Variants in CLSTN2 observed in about 807,000 individuals in gnomAD.
CLSTN2 encodes calsyntenin-2.
A neutral mutation model predicts 101.2 loss-of-function variants in CLSTN2; 48 were observed. That is an observed-to-expected ratio of 0.47 (90% CI 0.38 to 0.60). CLSTN2 has a LOEUF of 0.60. Among genes scored for constraint, CLSTN2 ranks in the 20% least tolerant of loss-of-function variants. CLSTN2 has a pLI of 0.00. For synonymous variants in CLSTN2, 481 were observed against 463.6 expected (o/e 1.04, Z -0.48); for missense variants, 1,160 against 1,238.2 (o/e 0.94, Z 0.95).
At chr3:140,392,327 A>AT (rs562425426) in intron 2 of CLSTN2, among the ~76,000 whole-genome samples, 158 of 151,900 alleles carry the variant, frequency 1.0e-3, no homozygotes, top group African/African-American at 3.6e-3. Context: ...TTAATGAGAA[A>AT]TTTTCTATTC....
chr3:140,467,631 C>A (rs1260866037), intron 8 of CLSTN2, among the ~76,000 whole-genome samples: 1 of 152,132 alleles, frequency 6.6e-6, no homozygotes, highest in Non-Finnish European at 1.5e-5. Flanking sequence ...CTGGGCTAAG[C>A]ACTTCTGGGA....
At chr3:140,085,135 T>C (rs2107783004) in intron 1 of CLSTN2, among the ~76,000 whole-genome samples, 1 of 152,338 alleles carries the variant, frequency 6.6e-6, no homozygotes, top group East Asian at 1.9e-4. Flanking sequence ...GTTGATTTTG[T>C]TTGCACATGT....
chr3:139,989,528 C>G lies in CLSTN2; in HGVS notation c.109+54045C>G, dbSNP rs544200773. On this transcript the variant is annotated intron_variant, in intron 1 of 16. Transcript: ENST00000458420. ...CCATCCTTCTGGGTGTTGCAGGGCC[C>G]TTTGCTCTGTCTGCCCTCACTCCCC... Among the ~76,000 whole-genome samples, 376 of 152,324 alleles carry G rather than the reference C, an allele frequency of 2.5e-3. 5 individuals are homozygous for G. The highest frequency in any genetic ancestry group is 7.9e-3 in the African/African-American group (329 of 41,572).
At chr3:140,278,296 C>T (rs1348497533) in intron 2 of CLSTN2, among the ~76,000 whole-genome samples, 14 of 152,128 alleles carry the variant, frequency 9.2e-5, no homozygotes, top group Non-Finnish European at 1.5e-4. Context: ...CACACAGGGC[C>T]CCGCCTCTTT....
At chr3:140,455,925 G>C (rs1295604299) in intron 6 of CLSTN2, among the ~76,000 whole-genome samples, 1 of 152,166 alleles carries the variant, frequency 6.6e-6, no homozygotes, top group Non-Finnish European at 1.5e-5. Context: ...GTGGCCTGCC[G>C]CTCCCCCTCA....
At chr3:140,493,898 C>T (rs988041698) in intron 8 of CLSTN2, among the ~76,000 whole-genome samples, 2 of 152,108 alleles carry the variant, frequency 1.3e-5, no homozygotes, top group Non-Finnish European at 2.9e-5. Flanking sequence ...TTTTAGACCA[C>T]GTTGAAGGGT....
chr3:140,360,158 C>T (rs1395826678), intron 2 of CLSTN2, among the ~76,000 whole-genome samples: 1 of 152,068 alleles, frequency 6.6e-6, no homozygotes, highest in Non-Finnish European at 1.5e-5. Context: ...AACTCATCTC[C>T]CCCTGTAATC....
At chr3:140,537,287 T>C (rs949064114) in intron 9 of CLSTN2, among the ~76,000 whole-genome samples, 17 of 152,294 alleles carry the variant, frequency 1.1e-4, no homozygotes, top group African/African-American at 3.6e-4. Flanking sequence ...GGCTGGTCAG[T>C]GTTCTGCAGC....
chr3:140,188,939 T>C (rs2010522035), intron 2 of CLSTN2, among the ~76,000 whole-genome samples: 1 of 152,166 alleles, frequency 6.6e-6, no homozygotes, highest in Admixed American at 6.6e-5. Flanking sequence ...TCCCACCTAC[T>C]CTCCTTAACC....
intron 1 of CLSTN2, among the ~76,000 whole-genome samples, chr3:139,957,857 G>A (rs2107813174): frequency 6.6e-6 from 1 of 152,184 alleles, no homozygotes; most frequent in South Asian, 2.1e-4. Context: ...TTGAGCTGGA[G>A]GGGCTGGGCT....
At chr3:140,176,123 C>T in intron 2 of CLSTN2, 50 bp downstream of exon 2, 1 of 1,603,056 alleles carries the variant, frequency 6.2e-7, no homozygotes, top group Non-Finnish European at 8.5e-7. Context: ...TGAAGATGTG[C>T]TGTGAAACCT....
At chr3:140,271,146 G>T (rs62267972) in intron 2 of CLSTN2, among the ~76,000 whole-genome samples, 3,268 of 152,192 alleles carry the variant, frequency 0.021, 49 homozygotes, top group African/African-American at 0.038. Flanking sequence ...CAGTCAAATG[G>T]ATTTAGAGCA....
intron 2 of CLSTN2, among the ~76,000 whole-genome samples, chr3:140,205,724 A>G (rs1433741891): frequency 6.6e-6 from 1 of 151,206 alleles, no homozygotes; most frequent in South Asian, 2.1e-4. Context: ...CCACCACTCT[A>G]TGATGATTGA....
At chr3:140,409,465 A>G (rs13075700) in intron 4 of CLSTN2, among the ~76,000 whole-genome samples, 1 of 152,172 alleles carries the variant, frequency 6.6e-6, no homozygotes, top group East Asian at 1.9e-4. Context: ...CAAAACCTGG[A>G]GCCACCCATA....
chr3:140,298,591 G>T (rs546929341), intron 2 of CLSTN2, among the ~76,000 whole-genome samples: 2 of 152,290 alleles, frequency 1.3e-5, no homozygotes, highest in African/African-American at 4.8e-5. Flanking sequence ...GAACACTGGG[G>T]AAGCTGTGAA....
chr3:140,336,770 A>G (rs1320777470), intron 2 of CLSTN2, among the ~76,000 whole-genome samples: 2 of 152,154 alleles, frequency 1.3e-5, no homozygotes, highest in African/African-American at 4.8e-5. Flanking sequence ...TTTTTCATGG[A>G]ACCATTTGCT....
chr3:140,121,482 C>G (rs1473493218), intron 1 of CLSTN2, among the ~76,000 whole-genome samples: 1 of 152,180 alleles, frequency 6.6e-6, no homozygotes, highest in Non-Finnish European at 1.5e-5. Flanking sequence ...AGTTCCAACA[C>G]ATAGTAGGGA....
chr3:140,063,904 A>G (rs1374274009), intron 1 of CLSTN2, among the ~76,000 whole-genome samples: 2 of 151,902 alleles, frequency 1.3e-5, no homozygotes, highest in African/African-American at 4.8e-5. Flanking sequence ...CGGCCATTTG[A>G]CCCTCTCTGG....
At chr3:140,039,589 C>T (rs1046536513) in intron 1 of CLSTN2, among the ~76,000 whole-genome samples, 1 of 152,154 alleles carries the variant, frequency 6.6e-6, no homozygotes, top group Admixed American at 6.5e-5. Flanking sequence ...ATTCCTACAA[C>T]TGATTCAGAT....
Sources: gnomAD v4.1 joint callset for allele counts (sites outside exome capture counted in the v4.1 genomes callset) on GRCh38, gnomAD v4.1.1 for gene constraint, MANE v1.5 for transcripts, NCBI Gene and HGNC (gene_info 2026-07-23, HGNC 2026-07-21) for gene names.